The following TENM4 variants were observed in gnomAD, a reference collection of about 807,000 sequenced individuals.
TENM4 encodes teneurin transmembrane protein 4.
A neutral mutation model predicts 243.3 loss-of-function variants in TENM4; 82 were observed. The observed-to-expected ratio is 0.34, with a 90% CI of 0.28 to 0.40. TENM4 has a LOEUF of 0.40. Ranked by LOEUF, TENM4 falls within the 10% of genes least tolerant of loss-of-function variation. The pLI is 1.00. For synonymous variants in TENM4, 1,412 were observed against 1,456.3 expected, an observed-to-expected ratio of 0.97 and a Z score of 0.69; for missense variants, 3,138 against 3,673.3, an observed-to-expected ratio of 0.85 and a Z score of 3.77.
intron 6 of TENM4, among the ~76,000 whole-genome samples, chr11:79,052,571 G>C (rs1327513809): frequency 3.3e-5 from 5 of 152,324 alleles, no homozygotes; most frequent in Non-Finnish European, 7.4e-5. Flanking sequence ...CATTACTCCT[G>C]TAATTATTGA....
intron 33 of TENM4, among the ~76,000 whole-genome samples, chr11:78,660,100 G>A (rs1050517051): frequency 6.6e-6 from 1 of 152,176 alleles, no homozygotes; most frequent in African/African-American, 2.4e-5. Flanking sequence ...GAGGGAGCCT[G>A]GTGAGGGAGG....
intron 4 of TENM4, among the ~76,000 whole-genome samples, chr11:79,070,966 A>G (rs1279645640): frequency 6.6e-6 from 1 of 152,196 alleles, no homozygotes; most frequent in African/African-American, 2.4e-5. Context: ...CACCGTCAGC[A>G]CTGGGCAGCA....
At chr11:78,730,783 T>C (rs1234345591) in intron 21 of TENM4, among the ~76,000 whole-genome samples, 1 of 152,196 alleles carries the variant, frequency 6.6e-6, no homozygotes, top group Non-Finnish European at 1.5e-5. Context: ...GTCCATTTCA[T>C]AGACAAGTGT....
intron 3 of TENM4, among the ~76,000 whole-genome samples, chr11:79,215,380 T>C (rs1053674579): frequency 6.6e-6 from 1 of 152,180 alleles, no homozygotes; most frequent in Non-Finnish European, 1.5e-5. Flanking sequence ...GTGCCTCTGA[T>C]CTCACTCCAG....
Position 78,923,442 on chromosome 11 carries a change from A to G in TENM4, c.494-19919T>C, listed in dbSNP as rs1180333023. On this transcript the variant is annotated intron_variant, in intron 6 of 33. Transcript: ENST00000278550. ...GGTGACCTCATCCCCTGAGCCAATG[A>G]GTGTTTCAGGAATGAGCAGGTGACC... is the stretch of plus-strand genomic sequence containing the variant. Among the ~76,000 whole-genome samples the G allele has an allele frequency of 2.6e-5, 4 of 152,136 alleles. No homozygotes were observed. In the East Asian group the frequency reaches 5.8e-4, roughly 22 times the overall value.
intron 2 of TENM4, among the ~76,000 whole-genome samples, chr11:79,236,216 C>A (rs1864468534): frequency 6.6e-6 from 1 of 152,160 alleles, no homozygotes; most frequent in African/African-American, 2.4e-5. Context: ...CCCCAGATTT[C>A]CACGTCTCAG....
At position 78,707,556 on chromosome 11, in the gene TENM4, A is replaced by G. The variant is rs76316774; in HGVS notation, c.4209+805T>C. Among the ~76,000 whole-genome samples the G allele has an allele frequency of 8.7e-3, 1,331 of 152,300 alleles. 13 individuals carry two copies. The highest frequency in any genetic ancestry group is 0.03 in the African/African-American group (1,228 of 41,582). On this transcript the variant is annotated intron_variant, in intron 27 of 33. Coordinates refer to ENST00000278550, the MANE Select transcript of TENM4 (RefSeq NM_001098816.3). ...ATGCTATGGTTTTCAATTTTCCACT[A>G]TTCTTTGAGTGTACCAGCCTCATTA...
chr11:78,972,568 G>T (rs1192810084), intron 6 of TENM4, among the ~76,000 whole-genome samples: 1 of 152,058 alleles, frequency 6.6e-6, no homozygotes, highest in East Asian at 1.9e-4. Flanking sequence ...AGCCCTTTAG[G>T]TTCCTCTGGT....
intron 4 of TENM4, among the ~76,000 whole-genome samples, chr11:79,087,066 C>T (rs1446819928): frequency 6.6e-6 from 1 of 152,056 alleles, no homozygotes; most frequent in East Asian, 1.9e-4. Context: ...GGCATAAAAC[C>T]CAAGCTTCTG....
chr11:78,972,789 T>C (rs1293562962), intron 6 of TENM4, among the ~76,000 whole-genome samples: 1 of 152,206 alleles, frequency 6.6e-6, no homozygotes, highest in Non-Finnish European at 1.5e-5. Context: ...GAACATTTCA[T>C]CACCCTAAAG....
intron 9 of TENM4, among the ~76,000 whole-genome samples, chr11:78,886,745 C>A (rs1855556656): frequency 1.3e-5 from 2 of 152,220 alleles, no homozygotes; most frequent in Admixed American, 1.3e-4. Flanking sequence ...GCCTCTCTGG[C>A]TTGATCCTTG....
chr11:79,429,388 A>G (rs575270928), intron 1 of TENM4, among the ~76,000 whole-genome samples: 2 of 152,322 alleles, frequency 1.3e-5, no homozygotes, highest in East Asian at 3.9e-4. Flanking sequence ...GACAGGGTCC[A>G]GAAGCAGGAG....
At chr11:79,437,774 C>T (rs903832750) in intron 1 of TENM4, among the ~76,000 whole-genome samples, 6 of 152,188 alleles carry the variant, frequency 3.9e-5, no homozygotes, top group African/African-American at 1.4e-4. Context: ...CCCGCCGCGA[C>T]CTGATTCCCG....
intron 17 of TENM4, 135 bp downstream of exon 17, chr11:78,778,467 A>C: frequency 1.0e-6 from 1 of 960,766 alleles, no homozygotes; most frequent in South Asian, 1.7e-5. Context: ...CTGCGACAAA[A>C]CTGGGGATGC....
chr11:78,966,424 T>C (rs983086802), intron 6 of TENM4, among the ~76,000 whole-genome samples: 7 of 152,176 alleles, frequency 4.6e-5, no homozygotes, highest in African/African-American at 1.4e-4. Context: ...CACGAAAGTA[T>C]GGCAAATCCT....
At chr11:78,990,063 T>TAAAAAAAAAAAAAAAAAA (rs780530657) in intron 6 of TENM4, among the ~76,000 whole-genome samples, 23 of 139,014 alleles carry the variant, frequency 1.7e-4, no homozygotes, top group Admixed American at 5.7e-4. Context: ...AGGCTTTGTT[T>TAAAAAAAAAAAAAAAAAA]AAAAAAAAAA....
intron 6 of TENM4, among the ~76,000 whole-genome samples, chr11:79,044,808 G>T (rs1256729329): frequency 6.6e-6 from 1 of 152,192 alleles, no homozygotes; most frequent in African/African-American, 2.4e-5. Context: ...ATATTAGTCT[G>T]CATCCCCTAA....
At chr11:78,915,297 C>T (rs1407074702) in intron 6 of TENM4, among the ~76,000 whole-genome samples, 3 of 152,182 alleles carry the variant, frequency 2.0e-5, no homozygotes, top group Non-Finnish European at 4.4e-5. Context: ...GCTCTCTAGC[C>T]TCCATGGCTC....
At chr11:79,231,029 T>C (rs1352084177) in intron 2 of TENM4, among the ~76,000 whole-genome samples, 1 of 152,168 alleles carries the variant, frequency 6.6e-6, no homozygotes, top group Non-Finnish European at 1.5e-5. Flanking sequence ...CTTCCAACCT[T>C]GGCTGGGGAT....
Sources: allele counts gnomAD v4.1 joint callset (sites outside exome capture counted in the v4.1 genomes callset), GRCh38; gene constraint gnomAD v4.1.1; transcripts MANE v1.5; gene names NCBI Gene and HGNC (gene_info 2026-07-23, HGNC 2026-07-21).